Variants in TTN observed in about 807,000 individuals in gnomAD.
TTN encodes connectin.
Under a neutral mutation model 3,223.0 loss-of-function variants are expected in TTN, and 1,525 were observed. The ratio of observed to expected loss-of-function variants is 0.47; its 90% confidence interval spans 0.45 to 0.49. The LOEUF is 0.49. TTN is among the 20% of genes least tolerant of loss of function. TTN has a pLI of 0.00. For missense variants in TTN, 40,786 were observed against 43,424.0 expected (o/e 0.94, Z 5.40); for synonymous variants, 14,094 against 15,161.0 (o/e 0.93, Z 5.17).
rs2154140130 is a variant in TTN at position 178,539,711 on chromosome 2, G to A, written c.98354C>T (p.Ala32785Val). The A allele has an allele frequency of 1.9e-6, 3 of 1,613,764 alleles. No individual in the cohort carries two copies. The highest frequency in any genetic ancestry group is 2.2e-5 in the South Asian group (2 of 91,084). The change falls in exon 352 of 363, where the codon GCT (alanine) becomes GTT (valine). Residue 32785 changes from alanine to valine, a missense_variant. Physicochemically the swap from Ala to Val is moderately conservative, Grantham distance 64. Coordinates refer to ENST00000589042, the MANE Select transcript of TTN (RefSeq NM_001267550.2). ...LVLENKCGKK[A>V]VYIKVRVIGS... Reference sequence around the variant, plus strand: ...TATCACCCTGACCTTGATGTAGACAGCCTTCTTGCCACATTTATTTTCCAG... The same window carrying A: ...TATCACCCTGACCTTGATGTAGACAACCTTCTTGCCACATTTATTTTCCAG...
rs148238009 is a variant in TTN at position 178,577,565 on chromosome 2, TA to T, written c.68824+36del. 0.11 allele frequency: 152,965 copies of T among 1,409,712 alleles called. 7,729 individuals are homozygous for T. Among genetic ancestry groups the T allele is most frequent in the Non-Finnish European group, 0.12 (123,474 of 1,047,162 alleles). 87.3% of individuals were successfully genotyped at this position (1,409,712 alleles called of 1,614,324 possible). ...AAAAGGAAGGAGGCTTAATTTGCTT[TA>T]AAAAAAAAAGTACATAAAAAGTAAA... On this transcript the variant is annotated intron_variant, in intron 323 of 362. Transcript: ENST00000589042.
Position 178,735,813 on chromosome 2 carries a change from C to T in TTN, c.14633G>A (p.Cys4878Tyr), listed in dbSNP as rs546830236. The T allele has an allele frequency of 8.1e-6, 13 of 1,613,698 alleles. No homozygotes were observed. In the South Asian group the frequency reaches 1.2e-4, roughly 15 times the overall value. The change falls in exon 50 of 363, where the codon TGC becomes TAC. Residue 4878 changes from cysteine (C) to tyrosine (Y), a missense_variant. Coordinates refer to ENST00000589042, the MANE Select transcript of TTN (RefSeq NM_001267550.2). Reference protein sequence around the residue: ...KASNKFGADICQAELIIIDKP... With the variant: ...KASNKFGADIYQAELIIIDKP... ...ATCAATGATGATCAACTCTGCTTGG[C>T]AGATGTCTGCTCCAAACTTGTTGGA...
Position 178,605,089 on chromosome 2 carries a change from G to A in TTN, c.54088C>T (p.Leu18030Phe). Residue 18030 changes from leucine (L) to phenylalanine (F), a missense_variant, in exon 280 of 363, where the codon CTT becomes TTT. Leu to Phe is a conservative substitution (Grantham distance 22). Coordinates refer to ENST00000589042, the MANE Select transcript of TTN (RefSeq NM_001267550.2). ...EVSRSEAKTELSIPKAVREDK... is the reference protein window; with the variant it reads ...EVSRSEAKTEFSIPKAVREDK... Reference sequence around the variant, plus strand: ...TCCCGGACCGCTTTGGGAATGCTAAGCTCAGTTTTTGCCTCACTTCGGGAT... The same window carrying A: ...TCCCGGACCGCTTTGGGAATGCTAAACTCAGTTTTTGCCTCACTTCGGGAT... 2 of 1,612,766 alleles carry A rather than the reference G, an allele frequency of 1.2e-6. No homozygotes were observed. The highest frequency in any genetic ancestry group is 1.7e-6 in the Non-Finnish European group (2 of 1,179,190).
At position 178,576,607 on chromosome 2, in the gene TTN, G is replaced by A. The variant is rs1335495074; in HGVS notation, c.69637C>T (p.Arg23213Cys). The change falls in exon 325 of 363, where the codon CGT becomes TGT. Residue 23213 changes from arginine to cysteine, a missense_variant. Coordinates refer to ENST00000589042, the MANE Select transcript of TTN (RefSeq NM_001267550.2). This position sits in a 1 kb window ranked among gnomAD's most constrained non-coding sequence, Gnocchi z 4.3. ...CCTGCTCTGTTTTCTGCACTGACAC[G>A]GAATTCGTAGGTGCTTCCTTCTTGC... Reference protein sequence around the residue: ...GLQEGSTYEFRVSAENRAGIG... With the variant: ...GLQEGSTYEFCVSAENRAGIG... The A allele has an allele frequency of 9.9e-6, 16 of 1,613,426 alleles. No homozygotes were observed. The highest frequency in any genetic ancestry group is 5.0e-5 in the Admixed American group (3 of 59,972).
At position 178,544,185 on chromosome 2, in the gene TTN, C is replaced by T. The variant is rs756825006; in HGVS notation, c.96028+16G>A. The stretch of plus-strand genomic sequence containing the variant: ...GAGAAGAAAATAATTCACCTAAAAG[C>T]TTCTGTGATAAATACCTATTCTTTC... On this transcript the variant is annotated intron_variant, in intron 345 of 362. Transcript: ENST00000589042. The T allele has an allele frequency of 2.5e-6, 4 of 1,608,250 alleles. No individual in the cohort carries two copies. The highest frequency in any genetic ancestry group is 3.4e-6 in the Non-Finnish European group (4 of 1,175,422).
chr2:178,710,985 A>T, intron 97 of TTN, 63 bp from the exon 98 acceptor site: 2 of 1,552,026 alleles, frequency 1.3e-6, no homozygotes, highest in South Asian at 1.3e-5. Flanking sequence ...AGTTTACTGA[A>T]ATAGAAATTT....
rs397517644 is a variant in TTN, at chr2:178,592,219, G to A, written c.59685C>T (p.Tyr19895=). 17 of 1,611,640 alleles carry A rather than the reference G, an allele frequency of 1.1e-5. No homozygotes were observed. Among genetic ancestry groups the A allele is most frequent in the African/African-American group, 2.7e-5 (2 of 74,854 alleles). ...CATCCAGTGGTTCTTTCCAAGTAAGGTAACATGAATCTTTCCTAATTTCAC... is the reference window on the plus strand; with the variant it reads ...CATCCAGTGGTTCTTTCCAAGTAAGATAACATGAATCTTTCCTAATTTCAC... ...EVSEIRKDSC[Y]LTWKEPLDDG... The change falls in exon 302 of 363, where the codon TAC becomes TAT. Residue 19895 remains tyrosine, a synonymous_variant. Transcript: ENST00000589042.
intron 28 of TTN, 31 bp downstream of exon 28, chr2:178,775,325 A>G: frequency 6.2e-7 from 1 of 1,613,268 alleles, no homozygotes; most frequent in East Asian, 2.2e-5. Flanking sequence ...ATACAAAGAC[A>G]GGTCCATCAA....
Position 178,573,949 on chromosome 2 carries a change from C to T in TTN, c.72183G>A (p.Met24061Ile). 6.2e-7 allele frequency: 1 copy of T among 1,613,300 alleles called. No homozygotes were observed. The highest frequency in any genetic ancestry group is 8.5e-7 in the Non-Finnish European group (1 of 1,179,552). ...ADVSGRPPPT[M>I]EWSKDGKELE... is the part of the protein sequence containing the mutation. Reference sequence around the variant, plus strand: ...GCTCTTTTCCATCTTTGCTCCATTCCATTGTTGGAGGTGGGCGGCCTGAAA... The same window carrying T: ...GCTCTTTTCCATCTTTGCTCCATTCTATTGTTGGAGGTGGGCGGCCTGAAA... Residue 24061 changes from methionine (M) to isoleucine (I), a missense_variant, in exon 326 of 363, where the codon ATG (methionine) becomes ATA (isoleucine). Transcript: ENST00000589042.
intron 131 of TTN, 86 bp from the exon 132 acceptor site, chr2:178,684,499 A>G: frequency 1.4e-6 from 2 of 1,459,542 alleles, no homozygotes; most frequent in Non-Finnish European, 1.9e-6. Context: ...ATTTTAGAAT[A>G]GAAGAATTTA....
Position 178,789,343 on chromosome 2 carries a change from G to A in TTN, c.2076+17C>T. ...TATTATAATAGGGGATTTCACACTT[G>A]GAACAACAATAGTCACCTTTCCATG... On this transcript the variant is annotated intron_variant, in intron 13 of 362. Coordinates refer to ENST00000589042, the MANE Select transcript of TTN (RefSeq NM_001267550.2). 1 of 1,612,768 alleles carries A rather than the reference G, an allele frequency of 6.2e-7. No homozygotes were observed. The highest frequency in any genetic ancestry group is 8.5e-7 in the Non-Finnish European group (1 of 1,179,076).
rs570788965 is a variant in TTN at position 178,574,400 on chromosome 2, T to C, written c.71732A>G (p.Lys23911Arg). The C allele has an allele frequency of 1.9e-6, 3 of 1,613,592 alleles. No homozygotes were observed. In the East Asian group the frequency reaches 6.7e-5, roughly 36 times the overall value. The change falls in exon 326 of 363, where the codon AAG becomes AGG. Residue 23911 changes from lysine (K) to arginine (R), a missense_variant. Coordinates refer to ENST00000589042, the MANE Select transcript of TTN (RefSeq NM_001267550.2). ...CATAGGTTCTGATGGCTTGCTTGGC[T>C]TACTTTTGCCTGCCATGTTTTCTGC... ...VIAENMAGKS[K>R]PSKPSEPMLA...
chr2:178,658,699 AC>A lies in TTN; in HGVS notation c.37543+5del. The stretch of plus-strand genomic sequence containing the variant: ...CCCCCGACTGACAATGTGTAATGAT[AC>A]CTACCTTTAGGAGGTGGAGCTTCTG... On this transcript the variant is annotated splice_donor_5th_base_variant and intron_variant, in intron 183 of 362. Transcript: ENST00000589042. 2 of 1,527,502 alleles carry A rather than the reference AC, an allele frequency of 1.3e-6. No individual in the cohort carries two copies. The highest frequency in any genetic ancestry group is 1.8e-6 in the Non-Finnish European group (2 of 1,115,100). 94.6% of individuals were successfully genotyped at this position (1,527,502 alleles called of 1,614,324 possible).
At chr2:178,627,104 G>A (rs894265419) in intron 240 of TTN, among the ~76,000 whole-genome samples, 3 of 151,820 alleles carry the variant, frequency 2.0e-5, no homozygotes, top group Admixed American at 6.6e-5. Flanking sequence ...ATATAATACG[G>A]TAGGCTTATG....
Position 178,729,438 on chromosome 2 carries a change from G to A in TTN, c.18718C>T (p.Arg6240Ter), listed in dbSNP as rs867025413. 1 of 1,613,540 alleles carries A rather than the reference G, an allele frequency of 6.2e-7. No individual in the cohort carries two copies. The highest frequency in any genetic ancestry group is 8.5e-7 in the Non-Finnish European group (1 of 1,179,624). The change falls in exon 64 of 363, where the codon CGA becomes TGA. Residue 6240 changes from arginine (R) to a stop codon, truncating the protein, a stop_gained. Coordinates refer to ENST00000589042, the MANE Select transcript of TTN (RefSeq NM_001267550.2). LOFTEE classifies it high-confidence loss of function. ...VTWLKNNREI[R>*]SSKKYTLTDR... Reference sequence around the variant, plus strand: ...GTCAATGTGTATTTTTTGCTGCTTCGAATTTCCCTGTTATTCTTCAGCCAA... The same window carrying A: ...GTCAATGTGTATTTTTTGCTGCTTCAAATTTCCCTGTTATTCTTCAGCCAA...
At chr2:178,674,474 T>G in intron 150 of TTN, 65 bp from the exon 151 acceptor site, 1 of 1,014,988 alleles carries the variant, frequency 9.9e-7, no homozygotes, top group South Asian at 1.9e-5. Flanking sequence ...ACTACAGTGA[T>G]AATATCTGAA....
chr2:178,616,119 C>T (rs1465495711), intron 257 of TTN, among the ~76,000 whole-genome samples: 1 of 151,828 alleles, frequency 6.6e-6, no homozygotes, highest in Admixed American at 6.6e-5. Context: ...CTGATTAGGT[C>T]AACTAAGGTA....
Position 178,633,509 on chromosome 2 carries a change from G to A in TTN, c.42850C>T (p.Arg14284Cys), listed in dbSNP as rs760157467. ...TCCGCCTTTTTGATTTTTAAGATGCGGCGCAGGCCATCTGCCTTGATAGAA... is the reference window on the plus strand; with the variant it reads ...TCCGCCTTTTTGATTTTTAAGATGCAGCGCAGGCCATCTGCCTTGATAGAA... ...KYSIKADGLRRILKIKKADLK... is the reference protein window; with the variant it reads ...KYSIKADGLRCILKIKKADLK... Residue 14284 changes from arginine (R) to cysteine (C), a missense_variant, in exon 232 of 363, where the codon CGC (arginine) becomes TGC (cysteine). Arg to Cys is a radical substitution (Grantham distance 180, BLOSUM62 -3). Coordinates refer to ENST00000589042, the MANE Select transcript of TTN (RefSeq NM_001267550.2). 6.2e-6 allele frequency: 10 copies of A among 1,613,226 alleles called. No individual in the cohort carries two copies. Among genetic ancestry groups the A allele is most frequent in the South Asian group, 5.5e-5 (5 of 91,066 alleles).
intron 47 of TTN, chr2:178,746,069 CAG>C (rs909388323): frequency 1.2e-6 from 2 of 1,613,338 alleles, no homozygotes; most frequent in African/African-American, 2.7e-5. Flanking sequence ...ATCAGAAAGA[CAG>C]ACATTTCGAA....
Sources: allele counts gnomAD v4.1 joint callset (sites outside exome capture counted in the v4.1 genomes callset), GRCh38; gene constraint gnomAD v4.1.1; non-coding constraint Gnocchi (gnomAD v3.1); transcripts MANE v1.5; gene names NCBI Gene and HGNC (gene_info 2026-07-23, HGNC 2026-07-21).